The following ITGAE variants were observed in gnomAD, a reference collection of about 807,000 sequenced individuals.
The protein encoded by ITGAE is integrin alpha-E.
In ITGAE, 99 loss-of-function variants were observed where a neutral mutation model predicts 136.5. The observed-to-expected ratio is 0.73, with a 90% confidence interval of 0.62 to 0.86. The LOEUF is 0.86. ITGAE is among the 40% of genes least tolerant of loss of function. The pLI, the probability that ITGAE is intolerant of heterozygous loss-of-function variation, is 0.00. For synonymous variants in ITGAE, 613 were observed against 591.8 expected (o/e 1.04, Z -0.52); for missense variants, 1,447 against 1,515.3 (o/e 0.95, Z 0.75).
At chr17:3,725,426 A>G (rs1360138368) in intron 26 of ITGAE, 1 of 1,614,090 alleles carries the variant, frequency 6.2e-7, no homozygotes, top group African/African-American at 1.3e-5. Flanking sequence ...TGTTTGGCGA[A>G]GTGTTTCAAA....
chr17:3,725,294 A>T (rs770320635), intron 26 of ITGAE: 4 of 1,614,066 alleles, frequency 2.5e-6, no homozygotes, highest in Non-Finnish European at 2.5e-6. Flanking sequence ...TAAGTATTTC[A>T]AACAAAAAGG....
At chr17:3,747,899 G>C (rs776914445) in intron 17 of ITGAE, 23 bp downstream of exon 17, 2 of 1,579,798 alleles carry the variant, frequency 1.3e-6, no homozygotes, top group Non-Finnish European at 8.6e-7. Context: ...ACCAGGCAGG[G>C]GTCAGCTGGA....
chr17:3,755,294 G>T (rs2051994471), intron 11 of ITGAE, 33 bp from the exon 12 acceptor site: 9 of 1,526,646 alleles, frequency 5.9e-6, no homozygotes, highest in Non-Finnish European at 7.0e-6. Flanking sequence ...CCAGATGAGT[G>T]GGAGGGACCC....
chr17:3,754,048 A>T, intron 12 of ITGAE, 123 bp from the exon 13 acceptor site: 5 of 1,082,128 alleles, frequency 4.6e-6, no homozygotes, highest in Non-Finnish European at 5.2e-6. Context: ...AATAGGAGAG[A>T]CTGTCTTTCT....
At chr17:3,780,367 T>C (rs1264321880) in intron 1 of ITGAE, among the ~76,000 whole-genome samples, 1 of 152,170 alleles carries the variant, frequency 6.6e-6, no homozygotes, top group Non-Finnish European at 1.5e-5. Context: ...TTTCACCGTG[T>C]TAAGCCAGGT....
At chr17:3,753,957 C>T (rs1416156798) in intron 12 of ITGAE, 32 bp from the exon 13 acceptor site, 1 of 1,603,382 alleles carries the variant, frequency 6.2e-7, no homozygotes. Flanking sequence ...TGTGAACACA[C>T]CGTGTGCTCC....
intron 1 of ITGAE, among the ~76,000 whole-genome samples, chr17:3,797,197 G>C (rs1355254002): frequency 8.0e-6 from 1 of 125,108 alleles, no homozygotes; most frequent in African/African-American, 3.0e-5. Context: ...ACGGAGTCTC[G>C]CTCTGTCGCC....
rs550908194 is a variant in ITGAE at position 3,742,948 on chromosome 17, G to A, written c.2448+541C>T. 5.3e-5 allele frequency among the ~76,000 whole-genome samples: 8 copies of A among 152,322 alleles called. No individual in the cohort carries two copies. In the East Asian group the frequency reaches 5.8e-4, roughly 11 times the overall value. Reference sequence around the variant, plus strand: ...ATTACAGGCATCAGCCAGGGCGCCCGGCTGACAAAAGTTTCTTATGACACT... The same window carrying A: ...ATTACAGGCATCAGCCAGGGCGCCCAGCTGACAAAAGTTTCTTATGACACT... On this transcript the variant is annotated intron_variant, in intron 19 of 30. Transcript: ENST00000263087.
chr17:3,747,900 G>A (rs1478758197), intron 17 of ITGAE, 22 bp downstream of exon 17: 1 of 1,580,906 alleles, frequency 6.3e-7, no homozygotes, highest in Non-Finnish European at 8.6e-7. Context: ...CCAGGCAGGG[G>A]TCAGCTGGAC....
At chr17:3,792,676 G>A (rs945948346) in intron 1 of ITGAE, among the ~76,000 whole-genome samples, 1 of 152,178 alleles carries the variant, frequency 6.6e-6, no homozygotes. Context: ...TGAACACAGC[G>A]CTGGCTCACA....
At chr17:3,775,083 A>C (rs1206081200) in intron 2 of ITGAE, among the ~76,000 whole-genome samples, 1 of 151,946 alleles carries the variant, frequency 6.6e-6, no homozygotes, top group Non-Finnish European at 1.5e-5. Flanking sequence ...AATAGCTGGG[A>C]CGGACTACAG....
intron 1 of ITGAE, among the ~76,000 whole-genome samples, chr17:3,791,074 G>C (rs1238227903): frequency 6.7e-6 from 1 of 148,232 alleles, no homozygotes; most frequent in Non-Finnish European, 1.5e-5. Flanking sequence ...AGAATGGCGT[G>C]AACCCAGGAG....
chr17:3,797,224 G>A (rs1376068323), intron 1 of ITGAE, among the ~76,000 whole-genome samples: 3 of 141,934 alleles, frequency 2.1e-5, no homozygotes, highest in Non-Finnish European at 3.0e-5. Context: ...GGAGTGCAGT[G>A]GCGCAATCTC....
intron 2 of ITGAE, among the ~76,000 whole-genome samples, chr17:3,777,047 G>A (rs959863824): frequency 1.2e-4 from 18 of 149,716 alleles, no homozygotes; most frequent in Admixed American, 8.7e-4. Context: ...TGCAAGCTCC[G>A]CCTCCCGGGT....
At chr17:3,721,140 G>C (rs1432306329) in intron 28 of ITGAE, among the ~76,000 whole-genome samples, 1 of 151,792 alleles carries the variant, frequency 6.6e-6, no homozygotes, top group Non-Finnish European at 1.5e-5. Context: ...TGTTGCCCAG[G>C]CTGGTCTCAA....
chr17:3,763,084 G>T (rs1215100771), intron 3 of ITGAE, among the ~76,000 whole-genome samples: 1 of 152,044 alleles, frequency 6.6e-6, no homozygotes. Flanking sequence ...GTAGAGATGG[G>T]GTTTCATCAT....
intron 18 of ITGAE, among the ~76,000 whole-genome samples, chr17:3,744,446 CTTT>C (rs34809324): frequency 1.1e-4 from 14 of 128,238 alleles, no homozygotes; most frequent in Non-Finnish European, 1.3e-4. Flanking sequence ...AGTTCTTTCT[CTTT>C]TTTTTTTTTT....
rs2051522885 is a variant in ITGAE, at chr17:3,738,993, G to C, written c.2522+812C>G. ...AGCAAAAGCCCTTCTGAGGGCTTAAGAAGCCCCATGGCCTCTTCCCCCTTC... is the reference window on the plus strand; with the variant it reads ...AGCAAAAGCCCTTCTGAGGGCTTAACAAGCCCCATGGCCTCTTCCCCCTTC... On this transcript the variant is annotated intron_variant, in intron 20 of 30. Transcript: ENST00000263087. 2.0e-5 allele frequency: 3 copies of C among 152,258 alleles called. No homozygotes were observed. The South Asian group carries it at 6.2e-4, about 32-fold the overall frequency. The allele number at this position is 152,258 out of a possible 1,614,324, so 9.4% of individuals were successfully genotyped here.
At chr17:3,725,326 A>T (rs2051184211) in intron 26 of ITGAE, 1 of 1,614,128 alleles carries the variant, frequency 6.2e-7, no homozygotes, top group Non-Finnish European at 8.5e-7. Context: ...GAAAAGGTTT[A>T]TGGGGAATGC....
Sources: allele counts gnomAD v4.1 joint callset (sites outside exome capture counted in the v4.1 genomes callset), GRCh38; gene constraint gnomAD v4.1.1; transcripts MANE v1.5; gene names NCBI Gene and HGNC (gene_info 2026-07-23, HGNC 2026-07-21).